GALNTL6: variants seen among roughly 807,000 people sequenced by gnomAD.
GALNTL6 encodes the protein polypeptide N-acetylgalactosaminyltransferase-like 6.
A neutral mutation model predicts 73.7 loss-of-function variants in GALNTL6; 46 were observed. The ratio of observed to expected loss-of-function variants is 0.62; its 90% CI spans 0.49 to 0.80. The LOEUF (loss-of-function observed/expected upper bound fraction) is 0.80. Among genes scored for constraint, GALNTL6 ranks in the 30% least tolerant of loss-of-function variants. GALNTL6 has a pLI of 0.00. For missense variants in GALNTL6, 604 were observed against 755.0 expected (o/e 0.80, Z 2.34); for synonymous variants, 259 against 263.7 (o/e 0.98, Z 0.17).
chr4:171,925,896 T>G (rs1423564760), intron 2 of GALNTL6, among the ~76,000 whole-genome samples: 1 of 152,102 alleles, frequency 6.6e-6, no homozygotes, highest in Non-Finnish European at 1.5e-5. Context: ...ACTTCTTATA[T>G]AGCTTTTTTA....
At chr4:172,650,142 G>A (rs1740410773) in intron 5 of GALNTL6, among the ~76,000 whole-genome samples, 1 of 152,142 alleles carries the variant, frequency 6.6e-6, no homozygotes, top group African/African-American at 2.4e-5. Context: ...TTCATCCCAG[G>A]ATCCTTTTGG....
chr4:172,430,825 C>T (rs1301478070), intron 5 of GALNTL6, among the ~76,000 whole-genome samples: 1 of 151,898 alleles, frequency 6.6e-6, no homozygotes, highest in Non-Finnish European at 1.5e-5. Flanking sequence ...ACCACAACAA[C>T]AGTAGCAATA....
At chr4:172,915,034 A>T (rs1185934153) in intron 8 of GALNTL6, among the ~76,000 whole-genome samples, 2 of 152,252 alleles carry the variant, frequency 1.3e-5, no homozygotes, top group African/African-American at 2.4e-5. Context: ...AACAATAGAA[A>T]TTATAACAAA....
rs904997107 is a variant in GALNTL6, at chr4:172,727,122, A to G, written c.554-82239A>G. ...CTTAATATTAAAGTTAATAAAATTG[A>G]TAGTAAAATTCTTTTCTCTCAGTTG... is the stretch of plus-strand genomic sequence containing the variant. On this transcript the variant is annotated intron_variant, in intron 5 of 12. Transcript: ENST00000506823. Among the ~76,000 whole-genome samples, 3 of 152,236 alleles carry G rather than the reference A, an allele frequency of 2.0e-5. No homozygotes were observed. The East Asian group carries it at 5.8e-4, about 29-fold the overall frequency.
At chr4:172,714,707 A>T (rs973018349) in intron 5 of GALNTL6, among the ~76,000 whole-genome samples, 4 of 152,154 alleles carry the variant, frequency 2.6e-5, no homozygotes, top group African/African-American at 9.7e-5. Flanking sequence ...TACATAGGCC[A>T]TTTAAAATTA....
At chr4:172,815,289 G>T (rs568222684) in intron 7 of GALNTL6, among the ~76,000 whole-genome samples, 7 of 152,202 alleles carry the variant, frequency 4.6e-5, no homozygotes, top group African/African-American at 1.7e-4. Context: ...ATATAGATGA[G>T]AAAAGAAAAT....
intron 7 of GALNTL6, among the ~76,000 whole-genome samples, chr4:172,874,229 T>G (rs1745079867): frequency 6.6e-6 from 1 of 152,196 alleles, no homozygotes; most frequent in South Asian, 2.1e-4. Flanking sequence ...CATCACATTT[T>G]GATGTTGGTG....
chr4:172,591,325 G>T (rs941060524), intron 5 of GALNTL6, among the ~76,000 whole-genome samples: 1 of 152,086 alleles, frequency 6.6e-6, no homozygotes, highest in South Asian at 2.1e-4. Flanking sequence ...ATGTTAAGAT[G>T]GATATTTCAT....
intron 2 of GALNTL6, among the ~76,000 whole-genome samples, chr4:172,115,310 A>G (rs1191304610): frequency 1.3e-5 from 2 of 152,164 alleles, no homozygotes; most frequent in Non-Finnish European, 2.9e-5. Flanking sequence ...ATTCTGAAGG[A>G]ACCTTTTAGA....
chr4:172,301,519 A>T (rs1044450208), intron 3 of GALNTL6, among the ~76,000 whole-genome samples: 2 of 151,900 alleles, frequency 1.3e-5, no homozygotes, highest in Non-Finnish European at 2.9e-5. Context: ...TTGGTCTTTG[A>T]TGATGGTGAC....
intron 5 of GALNTL6, among the ~76,000 whole-genome samples, chr4:172,491,084 A>G (rs991862670): frequency 1.3e-5 from 2 of 152,154 alleles, no homozygotes; most frequent in African/African-American, 4.8e-5. Flanking sequence ...CTGTTATGGC[A>G]TTTTACATGT....
At chr4:172,568,757 CAAAA>C (rs71592082) in intron 5 of GALNTL6, among the ~76,000 whole-genome samples, 4 of 67,078 alleles carry the variant, frequency 6.0e-5, no homozygotes, top group South Asian at 7.4e-4. Context: ...GACTCCATCT[CAAAA>C]AAAAAAAAAA....
At chr4:172,245,960 A>G (rs1384547908) in intron 3 of GALNTL6, among the ~76,000 whole-genome samples, 5 of 152,200 alleles carry the variant, frequency 3.3e-5, no homozygotes, top group South Asian at 2.1e-4. Context: ...AGACTCTGCA[A>G]TCACAAAAAT....
chr4:171,899,225 GTTTGTGTTACC>G, intron 2 of GALNTL6, among the ~76,000 whole-genome samples: 1 of 145,562 alleles, frequency 6.9e-6, no homozygotes, highest in Non-Finnish European at 1.5e-5. Flanking sequence ...AAAAGTTACT[GTTTGTGTTACC>G]CTATGGCAAA....
intron 5 of GALNTL6, among the ~76,000 whole-genome samples, chr4:172,583,910 A>G (rs2110980311): frequency 6.6e-6 from 1 of 151,444 alleles, no homozygotes; most frequent in African/African-American, 2.4e-5. Flanking sequence ...AAAAAAAAAA[A>G]AAAAAAAAAA....
chr4:171,875,179 T>C (rs1277827672), intron 2 of GALNTL6, among the ~76,000 whole-genome samples: 1 of 152,120 alleles, frequency 6.6e-6, no homozygotes, highest in Non-Finnish European at 1.5e-5. Flanking sequence ...CCAGGAAGTG[T>C]GGGGGTCCTT....
At chr4:172,971,837 G>A (rs189682572) in intron 10 of GALNTL6, among the ~76,000 whole-genome samples, 1 of 152,240 alleles carries the variant, frequency 6.6e-6, no homozygotes, top group Admixed American at 6.5e-5. Flanking sequence ...AGTAAATTAT[G>A]TAATAAATCA....
At chr4:172,074,120 T>G (rs1238000731) in intron 2 of GALNTL6, among the ~76,000 whole-genome samples, 1 of 152,192 alleles carries the variant, frequency 6.6e-6, no homozygotes. Flanking sequence ...TTATACAAAT[T>G]TTAGGAATAA....
At chr4:171,828,726 G>C (rs898571677) in intron 2 of GALNTL6, among the ~76,000 whole-genome samples, 12 of 152,068 alleles carry the variant, frequency 7.9e-5, no homozygotes, top group African/African-American at 2.7e-4. Context: ...AAGTTCAAAC[G>C]ATTCTCCGGC....
Sources: gnomAD v4.1 joint callset for allele counts (sites outside exome capture counted in the v4.1 genomes callset) on GRCh38, gnomAD v4.1.1 for gene constraint, MANE v1.5 for transcripts, NCBI Gene and HGNC (gene_info 2026-07-23, HGNC 2026-07-21) for gene names.